Variants in OTOF observed in about 807,000 individuals in gnomAD.
OTOF encodes fer-1-like family member 2.
In OTOF, 218 loss-of-function variants were observed where a neutral mutation model predicts 236.8. That is an observed-to-expected ratio of 0.92 (90% CI 0.82 to 1.03). OTOF has a LOEUF of 1.03. Among genes scored for constraint, OTOF ranks in the 50% least tolerant of loss-of-function variants. The probability of loss-of-function intolerance (pLI) is 0.00; values close to 1 mark genes in which losing one functional copy is unlikely to be tolerated. For synonymous variants in OTOF, 1,041 were observed against 1,072.5 expected, an observed-to-expected ratio of 0.97 and a Z score of 0.57; for missense variants, 2,590 against 2,694.4, an observed-to-expected ratio of 0.96 and a Z score of 0.86.
chr2:26,483,855 T>C (rs1665631252), intron 12 of OTOF, among the ~76,000 whole-genome samples: 1 of 152,256 alleles, frequency 6.6e-6, no homozygotes, highest in Non-Finnish European at 1.5e-5. Context: ...GTTTCCTCAC[T>C]GTTGAGGTGG....
chr2:26,532,266 C>T (rs978300298), intron 2 of OTOF, among the ~76,000 whole-genome samples: 6 of 152,018 alleles, frequency 3.9e-5, no homozygotes, highest in Admixed American at 3.3e-4. Flanking sequence ...GAGTTGCCCG[C>T]GGGCACAAGG....
intron 1 of OTOF, among the ~76,000 whole-genome samples, chr2:26,558,161 G>A (rs1667641547): frequency 6.6e-6 from 1 of 151,852 alleles, no homozygotes; most frequent in African/African-American, 2.4e-5. Context: ...AGAGAGAGAA[G>A]GAGGGGGTCC....
chr2:26,522,592 C>T (rs1379672662), intron 3 of OTOF, among the ~76,000 whole-genome samples: 1 of 152,218 alleles, frequency 6.6e-6, no homozygotes, highest in African/African-American at 2.4e-5. Context: ...GAGGAGCTGC[C>T]TGGGAGAGTG....
chr2:26,505,725 A>G (rs1325568267), intron 5 of OTOF, among the ~76,000 whole-genome samples: 1 of 152,194 alleles, frequency 6.6e-6, no homozygotes, highest in Admixed American at 6.5e-5. Flanking sequence ...ATGCCGTAGG[A>G]CTGCACTTTT....
At position 26,460,930 on chromosome 2, in the gene OTOF, C is replaced by T. The variant is rs753852011; in HGVS notation, c.5634G>A (p.Val1878=). ...TGACGCGCTTTTGCTTGAAGATGGA[C>T]ACGAGGGGCACGTCCACCTCCCCGG... is the stretch of plus-strand genomic sequence containing the variant. ...MATGEVDVPL[V]SIFKQKRVKG... The change falls in exon 44 of 47, where the codon GTG becomes GTA. Residue 1878 remains valine, a synonymous_variant. Coordinates refer to ENST00000272371, the MANE Select transcript of OTOF (RefSeq NM_194248.3). The surrounding 1 kb of genome is among the most constrained non-coding windows in gnomAD (Gnocchi z 5.3). 30 of 1,614,036 alleles carry T rather than the reference C, an allele frequency of 1.9e-5. No homozygotes were observed. The highest frequency in any genetic ancestry group is 3.3e-5 in the Admixed American group (2 of 60,016).
At chr2:26,463,199 C>T (rs1664564827) in intron 41 of OTOF, among the ~76,000 whole-genome samples, 1 of 152,046 alleles carries the variant, frequency 6.6e-6, no homozygotes, top group Admixed American at 6.6e-5. Flanking sequence ...CGTGTAGATA[C>T]AATGCACCGG....
rs973705331 is a variant in OTOF at position 26,463,894 on chromosome 2, T to C, written c.5103+70A>G. 2.5e-6 allele frequency: 4 copies of C among 1,600,804 alleles called. No homozygotes were observed. In the African/African-American group the frequency reaches 5.4e-5, roughly 21 times the overall value. On this transcript the variant is annotated intron_variant, in intron 40 of 46. Coordinates refer to ENST00000272371, the MANE Select transcript of OTOF (RefSeq NM_194248.3). ...CAGCGTGAGGCCTGGCTTCTACCTT[T>C]ACTGACTCAGGTTGGGGATCCCTGG...
intron 1 of OTOF, among the ~76,000 whole-genome samples, chr2:26,546,259 G>A (rs968012472): frequency 9.9e-5 from 15 of 152,172 alleles, no homozygotes; most frequent in African/African-American, 3.1e-4. Context: ...TCAGGAGTTC[G>A]AGACCAGCCT....
intron 30 of OTOF, 136 bp downstream of exon 30, chr2:26,472,383 C>A: frequency 1.8e-6 from 2 of 1,107,794 alleles, no homozygotes; most frequent in Middle Eastern, 2.0e-4. Context: ...CACAATCAAG[C>A]TCAGCCCCCG....
In OTOF at chr2:26,479,350, G is replaced by A. The variant is rs1665455019; in HGVS notation, c.2128C>T (p.Pro710Ser). 2 of 1,612,894 alleles carry A rather than the reference G, an allele frequency of 1.2e-6. No homozygotes were observed. Among genetic ancestry groups the A allele is most frequent in the Non-Finnish European group, 1.7e-6 (2 of 1,179,960 alleles). The change falls in exon 18 of 47, where the codon CCC becomes TCC. Residue 710 changes from proline (P) to serine (S), a missense_variant. Pro to Ser is a moderately conservative substitution (Grantham distance 74). Around this residue, in one of 2 missense-constraint regions of OTOF, gnomAD observed 1,379 missense variants for 1,341.6 expected, o/e 1.03. Transcript: ENST00000272371. ...YFHLPYLERK[P>S]CIYIKSWWPD... is the part of the protein sequence containing the mutation. ...CACCAGCTCTTGATGTAGATGCAGGGCTTTCGCTCCAGGTAGGGCAGATGG... is the reference window on the plus strand; with the variant it reads ...CACCAGCTCTTGATGTAGATGCAGGACTTTCGCTCCAGGTAGGGCAGATGG...
chr2:26,463,646 C>T, intron 40 of OTOF, 75 bp from the exon 41 acceptor site: 1 of 1,248,562 alleles, frequency 8.0e-7, no homozygotes, highest in Admixed American at 2.0e-5. Flanking sequence ...CCTCTCCCTC[C>T]TAACCTTTGT....
intron 29 of OTOF, among the ~76,000 whole-genome samples, 197 bp from the exon 30 acceptor site, chr2:26,472,846 C>T (rs560872759): frequency 2.0e-5 from 3 of 152,260 alleles, no homozygotes; most frequent in Admixed American, 6.5e-5. Flanking sequence ...CTGCGGAGGC[C>T]GGTGGGAGGG....
In OTOF at chr2:26,535,708, G is replaced by A. The variant is rs116971249; in HGVS notation, c.138+2008C>T. Among the ~76,000 whole-genome samples the A allele has an allele frequency of 8.4e-4, 128 of 152,278 alleles. 5 individuals carry two copies. In the East Asian group the frequency reaches 0.02, roughly 23 times the overall value. On this transcript the variant is annotated intron_variant, in intron 2 of 46. Transcript: ENST00000272371. ...CCTAAGCTCCCATACAAATCATCATGGGGTGTTGAGCCCAGGTTCCTGCCT... is the reference window on the plus strand; with the variant it reads ...CCTAAGCTCCCATACAAATCATCATAGGGTGTTGAGCCCAGGTTCCTGCCT...
intron 41 of OTOF, among the ~76,000 whole-genome samples, 197 bp downstream of exon 41, chr2:26,463,286 T>C (rs1664569013): frequency 6.6e-6 from 1 of 152,228 alleles, no homozygotes; most frequent in South Asian, 2.1e-4. Context: ...GTGGGGACTC[T>C]CCAGGGCAGG....
chr2:26,522,695 G>T (rs550563573), intron 3 of OTOF, among the ~76,000 whole-genome samples: 1 of 152,356 alleles, frequency 6.6e-6, no homozygotes, highest in East Asian at 1.9e-4. Context: ...CATGTGTTCT[G>T]TGGGAAGGAG....
At chr2:26,485,039 G>C (rs145480617) in intron 11 of OTOF, among the ~76,000 whole-genome samples, 2 of 152,148 alleles carry the variant, frequency 1.3e-5, no homozygotes, top group African/African-American at 4.8e-5. Flanking sequence ...CCCCTCTGGG[G>C]CTTCCCAGTG....
chr2:26,461,094 G>T lies in OTOF; in HGVS notation c.5534-64C>A. 1.0e-5 allele frequency: 11 copies of T among 1,069,136 alleles called. 1 individual carries two copies. In the South Asian group the frequency reaches 1.2e-4, roughly 12 times the overall value. The allele number at this position is 1,069,136 out of a possible 1,614,324, so 66.2% of individuals were successfully genotyped here. A position where few individuals can be genotyped will look rare whatever the true frequency, so the allele number is the denominator to read the frequency against. ...TGGGGTGGGGCGGGGTGGGGGTGGGGGTCTGGGCTCCTCGGCCCCTTGTTT... is the reference window on the plus strand; with the variant it reads ...TGGGGTGGGGCGGGGTGGGGGTGGGTGTCTGGGCTCCTCGGCCCCTTGTTT... On this transcript the variant is annotated intron_variant, in intron 43 of 46. Coordinates refer to ENST00000272371, the MANE Select transcript of OTOF (RefSeq NM_194248.3). The surrounding 1 kb of genome is among the most constrained non-coding windows in gnomAD (Gnocchi z 6.2).
rs1265272336 is a variant in OTOF, at chr2:26,474,113, G to A, written c.3289-3C>T. The A allele has an allele frequency of 6.2e-7, 1 of 1,612,836 alleles. No homozygotes were observed. The highest frequency in any genetic ancestry group is 2.2e-5 in the East Asian group (1 of 44,882). The stretch of plus-strand genomic sequence containing the variant: ...TCAGCCTTCCCTGCTGGTCCAATCT[G>A]GGGAATGGGGGTCACAGGTCACACA... On this transcript the variant is annotated splice_polypyrimidine_tract_variant and splice_region_variant and intron_variant, in intron 26 of 46. Coordinates refer to ENST00000272371, the MANE Select transcript of OTOF (RefSeq NM_194248.3).
chr2:26,463,372 C>G (rs1014771671), intron 41 of OTOF, 111 bp downstream of exon 41: 1 of 894,690 alleles, frequency 1.1e-6, no homozygotes, highest in Admixed American at 2.0e-5. Context: ...CCAGGGATGC[C>G]AACTGGCCAA....
Sources: allele counts gnomAD v4.1 joint callset (sites outside exome capture counted in the v4.1 genomes callset), GRCh38; gene constraint gnomAD v4.1.1; regional missense constraint gnomAD v4.1.1; non-coding constraint Gnocchi (gnomAD v3.1); transcripts MANE v1.5; gene names NCBI Gene and HGNC (gene_info 2026-07-23, HGNC 2026-07-21).